Variants in NIBAN1 observed in about 807,000 individuals in gnomAD.
The protein encoded by NIBAN1 is protein Niban 1.
Under a neutral mutation model 75.1 loss-of-function variants are expected in NIBAN1, and 81 were observed. The ratio of observed to expected loss-of-function variants is 1.08; its 90% CI spans 0.90 to 1.30. The LOEUF (loss-of-function observed/expected upper bound fraction) is 1.30, where lower values mean the gene tolerates loss of function less well. NIBAN1 is among the 50% of genes most tolerant of loss of function. The probability of loss-of-function intolerance (pLI) is 0.00; values close to 1 mark genes in which losing one functional copy is unlikely to be tolerated. For missense variants in NIBAN1, 1,133 were observed against 1,128.1 expected (o/e 1.00, Z -0.06); for synonymous variants, 436 against 424.8 (o/e 1.03, Z -0.32).
intron 5 of NIBAN1, among the ~76,000 whole-genome samples, chr1:184,877,930 A>G (rs1010151490): frequency 5.3e-5 from 8 of 152,094 alleles, no homozygotes; most frequent in Admixed American, 6.6e-5. Context: ...TTTTGCTTAA[A>G]TGAACTTTAA....
chr1:184,910,116 A>T (rs772884937), intron 1 of NIBAN1, among the ~76,000 whole-genome samples: 1 of 152,136 alleles, frequency 6.6e-6, no homozygotes, highest in African/African-American at 2.4e-5. Flanking sequence ...TCATGACATC[A>T]GCTCTGCTTG....
At chr1:184,873,679 T>G (rs1251554585) in intron 5 of NIBAN1, among the ~76,000 whole-genome samples, 1 of 152,224 alleles carries the variant, frequency 6.6e-6, no homozygotes, top group African/African-American at 2.4e-5. Flanking sequence ...TCTCCACAAT[T>G]TATTACTTTT....
chr1:184,941,992 C>T (rs867427086), intron 1 of NIBAN1, among the ~76,000 whole-genome samples: 1 of 152,190 alleles, frequency 6.6e-6, no homozygotes, highest in Non-Finnish European at 1.5e-5. Flanking sequence ...GACTCAACTT[C>T]CCATACCTAA....
chr1:184,956,041 T>G (rs1658483668), intron 1 of NIBAN1, among the ~76,000 whole-genome samples: 1 of 151,918 alleles, frequency 6.6e-6, no homozygotes, highest in Admixed American at 6.6e-5. Flanking sequence ...TTGTTTTTTT[T>G]TTTTAGAGCC....
At chr1:184,858,289 G>C (rs1050255148) in intron 5 of NIBAN1, among the ~76,000 whole-genome samples, 1 of 151,586 alleles carries the variant, frequency 6.6e-6, no homozygotes, top group South Asian at 2.1e-4. Flanking sequence ...ATATAAAAAG[G>C]GTTAATATCT....
chr1:184,944,377 C>A (rs1658172107), intron 1 of NIBAN1, among the ~76,000 whole-genome samples: 1 of 152,206 alleles, frequency 6.6e-6, no homozygotes. Flanking sequence ...TAAGAAGTCA[C>A]AAGCTGAAGA....
In NIBAN1 at chr1:184,796,087, T is replaced by C. The variant is rs1327067060; in HGVS notation, c.1677A>G (p.Glu559=). The C allele has an allele frequency of 6.5e-7, 1 of 1,533,224 alleles. No homozygotes were observed. Among genetic ancestry groups the C allele is most frequent in the Non-Finnish European group, 8.7e-7 (1 of 1,145,224 alleles). 95.0% of individuals were successfully genotyped at this position (1,533,224 alleles called of 1,614,324 possible). A position where few individuals can be genotyped will look rare whatever the true frequency, so the allele number is the denominator to read the frequency against. The stretch of plus-strand genomic sequence containing the variant: ...AGTTGTGTTTCTTCAAGATAGCAGC[T>C]TCCTTTATCACTGAGAGATATCAGA... ...LLDETLKVIK[E]AAILKKHNLF... is the part of the protein sequence containing the mutation. The change falls in exon 14 of 14, where the codon GAA becomes GAG. Residue 559 remains glutamate (E), a synonymous_variant. Transcript: ENST00000367511.
chr1:184,962,085 A>G (rs115477899), intron 1 of NIBAN1, among the ~76,000 whole-genome samples: 3,301 of 152,352 alleles, frequency 0.022, 108 homozygotes, highest in African/African-American at 0.075. Context: ...AGACATCAAC[A>G]TAAGGACTGA....
chr1:184,910,605 A>T (rs1372160114), intron 1 of NIBAN1, among the ~76,000 whole-genome samples: 2 of 152,218 alleles, frequency 1.3e-5, no homozygotes, highest in Non-Finnish European at 2.9e-5. Flanking sequence ...GGTAATAAAA[A>T]CTACATTGTC....
intron 5 of NIBAN1, among the ~76,000 whole-genome samples, chr1:184,840,272 T>C (rs1363670316): frequency 6.6e-6 from 1 of 152,220 alleles, no homozygotes; most frequent in African/African-American, 2.4e-5. Flanking sequence ...GCTCCCTCAA[T>C]TATATTTTAT....
intron 6 of NIBAN1, among the ~76,000 whole-genome samples, chr1:184,825,086 C>T (rs2102226144): frequency 6.6e-6 from 1 of 152,240 alleles, no homozygotes; most frequent in Admixed American, 6.5e-5. Context: ...TCCAGTGACC[C>T]CTATTGAGAG....
At chr1:184,876,983 C>T (rs549988035) in intron 5 of NIBAN1, among the ~76,000 whole-genome samples, 2 of 152,292 alleles carry the variant, frequency 1.3e-5, no homozygotes, top group South Asian at 4.1e-4. Context: ...CAGATGTGAA[C>T]ATTCCTTTAG....
At chr1:184,842,720 G>A (rs909385507) in intron 5 of NIBAN1, among the ~76,000 whole-genome samples, 3 of 148,938 alleles carry the variant, frequency 2.0e-5, no homozygotes, top group South Asian at 2.1e-4. Flanking sequence ...GCCTTTGCAC[G>A]ATCGTGCCAT....
rs1024844817 is a variant in NIBAN1, at chr1:184,906,357, G to A, written c.56-7048C>T. ...TAAAATATCAGACTCTTGGCTGGGC[G>A]CGGTGGCTCACACCTGTAATCCTAG... On this transcript the variant is annotated intron_variant, in intron 1 of 13. Coordinates refer to ENST00000367511, the MANE Select transcript of NIBAN1 (RefSeq NM_052966.4). Among the ~76,000 whole-genome samples, 58 of 151,714 alleles carry A rather than the reference G, an allele frequency of 3.8e-4. 1 individual carries two copies. The highest frequency in any genetic ancestry group is 2.0e-4 in the Admixed American group (3 of 15,240).
intron 5 of NIBAN1, among the ~76,000 whole-genome samples, chr1:184,841,620 G>T (rs1655289938): frequency 6.6e-6 from 1 of 152,212 alleles, no homozygotes; most frequent in African/African-American, 2.4e-5. Context: ...ACAGAGGGCT[G>T]GATTCGTTTC....
In NIBAN1 at chr1:184,794,430, C is replaced by T. The variant is rs760806595; in HGVS notation, c.*547G>A. 2 of 167,056 alleles carry T rather than the reference C, an allele frequency of 1.2e-5. No individual in the cohort carries two copies. Among genetic ancestry groups the T allele is most frequent in the Non-Finnish European group, 2.6e-5 (2 of 77,610 alleles). 10.3% of individuals were successfully genotyped at this position (167,056 alleles called of 1,614,324 possible). A position where few individuals can be genotyped will look rare whatever the true frequency, so the allele number is the denominator to read the frequency against. ...CTTAGCTTCTCTTGAATCTATTGGG[C>T]ATGATTGCCTCTGTGGGGGCTACAG... On this transcript the variant is annotated 3_prime_UTR_variant, in exon 14 of 14. Coordinates refer to ENST00000367511, the MANE Select transcript of NIBAN1 (RefSeq NM_052966.4).
intron 5 of NIBAN1, among the ~76,000 whole-genome samples, chr1:184,839,162 C>T (rs1655214567): frequency 6.6e-6 from 1 of 152,082 alleles, no homozygotes; most frequent in Non-Finnish European, 1.5e-5. Flanking sequence ...AATTAATATC[C>T]CCACTTTACA....
chr1:184,959,939 C>T (rs988134320), intron 1 of NIBAN1, among the ~76,000 whole-genome samples: 1 of 152,084 alleles, frequency 6.6e-6, no homozygotes, highest in African/African-American at 2.4e-5. Context: ...AATTTTCTCC[C>T]GTTCATTTTC....
chr1:184,806,081 A>T (rs1557871035), intron 10 of NIBAN1, 25 bp from the exon 11 acceptor site: 3 of 1,590,932 alleles, frequency 1.9e-6, no homozygotes, highest in Non-Finnish European at 1.7e-6. Context: ...CGACACAGAA[A>T]CAGACAACAG....
Sources: allele counts gnomAD v4.1 joint callset (sites outside exome capture counted in the v4.1 genomes callset), GRCh38; gene constraint gnomAD v4.1.1; transcripts MANE v1.5; gene names NCBI Gene and HGNC (gene_info 2026-07-23, HGNC 2026-07-21).